SPECC1L: variants seen among roughly 807,000 people sequenced by gnomAD.
The protein encoded by SPECC1L is sperm antigen with calponin homology and coiled-coil domains 1 like.
A neutral mutation model predicts 116.8 loss-of-function variants in SPECC1L; 40 were observed. The ratio of observed to expected loss-of-function variants is 0.34; its 90% confidence interval spans 0.27 to 0.45. The LOEUF (loss-of-function observed/expected upper bound fraction) is 0.45, where lower values mean the gene tolerates loss of function less well. Ranked by LOEUF, SPECC1L falls within the 20% of genes least tolerant of loss-of-function variation. The probability of loss-of-function intolerance (pLI) is 1.00; values close to 1 mark genes in which losing one functional copy is unlikely to be tolerated. For missense variants in SPECC1L, 1,110 were observed against 1,373.6 expected (o/e 0.81, Z 3.03); for synonymous variants, 504 against 500.6 (o/e 1.01, Z -0.09).
intron 13 of SPECC1L, 48 bp downstream of exon 13, chr22:24,365,680 C>T (rs763043824): frequency 6.3e-7 from 1 of 1,597,080 alleles, no homozygotes; most frequent in Non-Finnish European, 8.6e-7. Context: ...CTTTCCTGGC[C>T]TTTTGACAGT....
chr22:24,318,843 C>T (rs1005802677), intron 4 of SPECC1L, among the ~76,000 whole-genome samples: 2 of 151,514 alleles, frequency 1.3e-5, no homozygotes, highest in Admixed American at 1.3e-4. Context: ...GTGGGAGGAT[C>T]ACCTGAGCCT....
At chr22:24,336,836 G>A (rs1337951588) in intron 9 of SPECC1L, among the ~76,000 whole-genome samples, 1 of 152,062 alleles carries the variant, frequency 6.6e-6, no homozygotes, top group East Asian at 1.9e-4. Context: ...CTGACTTAAC[G>A]ATGCTTTAAC....
chr22:24,363,339 T>C lies in SPECC1L; in HGVS notation c.2822T>C (p.Leu941Pro). The C allele has an allele frequency of 6.2e-7, 1 of 1,613,628 alleles. No homozygotes were observed. The highest frequency in any genetic ancestry group is 2.2e-5 in the East Asian group (1 of 44,894). The change falls in exon 12 of 17, where the codon CTC becomes CCC. Residue 941 changes from leucine to proline, a missense_variant. Around this residue, in one of 4 missense-constraint regions of SPECC1L, gnomAD observed 575 missense variants for 682.4 expected, o/e 0.84. Transcript: ENST00000314328. ...CCTGCGATGGAAAGTGCCAAGACCC[T>C]CTCAGGTGATGACTTTCATCTGAAT... Reference protein sequence around the residue: ...RVPAMESAKTLSVSRRSSEEV... With the variant: ...RVPAMESAKTPSVSRRSSEEV...
intron 10 of SPECC1L, chr22:24,343,450 GTTTT>G (rs754785113): frequency 2.8e-6 from 1 of 361,528 alleles, no homozygotes; most frequent in Non-Finnish European, 5.7e-6. Context: ...AAATGGTTGT[GTTTT>G]TTTTTTGTTT....
intron 11 of SPECC1L, among the ~76,000 whole-genome samples, chr22:24,350,672 T>C (rs1216693537): frequency 2.0e-5 from 3 of 152,146 alleles, no homozygotes; most frequent in Admixed American, 2.0e-4. Flanking sequence ...AAAAGCTCTA[T>C]GTGTTGAAGG....
At chr22:24,316,833 C>T (rs573979206) in intron 4 of SPECC1L, among the ~76,000 whole-genome samples, 2,226 of 137,942 alleles carry the variant, frequency 0.016, 29 homozygotes, top group African/African-American at 0.042. Flanking sequence ...CAGAGGGGCT[C>T]CTCACTTCCC....
Position 24,414,929 on chromosome 22 carries a change from G to T in SPECC1L, c.*306G>T. The stretch of plus-strand genomic sequence containing the variant: ...TATTGAACTACACTAGTGCTCCAGG[G>T]CACCAAACAAAAAGGGCTCATGCAC... On this transcript the variant is annotated 3_prime_UTR_variant, in exon 17 of 17. Coordinates refer to ENST00000314328, the MANE Select transcript of SPECC1L (RefSeq NM_015330.6). 2.5e-6 allele frequency: 1 copy of T among 408,086 alleles called. No homozygotes were observed. Among genetic ancestry groups the T allele is most frequent in the Middle Eastern group, 7.3e-4 (1 of 1,362 alleles). The allele number at this position is 408,086 out of a possible 1,614,324, so 25.3% of individuals were successfully genotyped here.
At chr22:24,375,402 T>G (rs2041952462) in intron 14 of SPECC1L, among the ~76,000 whole-genome samples, 1 of 152,014 alleles carries the variant, frequency 6.6e-6, no homozygotes, top group African/African-American at 2.4e-5. Flanking sequence ...CTTGACAAAA[T>G]AATGACAATA....
intron 13 of SPECC1L, among the ~76,000 whole-genome samples, chr22:24,367,148 G>A (rs1469993684): frequency 1.3e-5 from 2 of 152,180 alleles, no homozygotes; most frequent in Non-Finnish European, 2.9e-5. Flanking sequence ...GAGCGAGATC[G>A]TGCGACTGCA....
chr22:24,375,950 AAAAC>A (rs748877884), intron 14 of SPECC1L, among the ~76,000 whole-genome samples: 49 of 147,782 alleles, frequency 3.3e-4, no homozygotes, highest in East Asian at 2.2e-3. Flanking sequence ...ACTCTGTCTC[AAAAC>A]AAACAAACAA....
chr22:24,292,577 G>A (rs1047176974), intron 2 of SPECC1L, among the ~76,000 whole-genome samples: 1 of 152,158 alleles, frequency 6.6e-6, no homozygotes, highest in Admixed American at 6.5e-5. Flanking sequence ...TTGGATGGCA[G>A]AACTGGAGCT....
rs192174816 is a variant in SPECC1L, at chr22:24,326,829, A to G, written c.2147-2017A>G. On this transcript the variant is annotated intron_variant, in intron 6 of 16. Transcript: ENST00000314328. ...GAGCAAGTTAACTACTGCCTACCAG[A>G]ATTGCCCCTGCCGCCAACGTTTTAT... is the stretch of plus-strand genomic sequence containing the variant. Among the ~76,000 whole-genome samples the G allele has an allele frequency of 1.8e-3, 273 of 152,278 alleles. 3 individuals are homozygous for G. The highest frequency in any genetic ancestry group is 3.3e-3 in the Non-Finnish European group (227 of 68,016).
At chr22:24,320,373 G>GT (rs1299160575) in intron 4 of SPECC1L, among the ~76,000 whole-genome samples, 1 of 152,148 alleles carries the variant, frequency 6.6e-6, no homozygotes, top group Non-Finnish European at 1.5e-5. Flanking sequence ...AATTTTAGTA[G>GT]TTAAGTAATC....
intron 1 of SPECC1L, among the ~76,000 whole-genome samples, chr22:24,276,295 G>T (rs546162830): frequency 2.8e-4 from 43 of 152,308 alleles, no homozygotes; most frequent in Non-Finnish European, 5.9e-4. Context: ...CGCCAGGTGT[G>T]GTGGTGCGCA....
At chr22:24,345,103 A>G (rs1276121922) in intron 10 of SPECC1L, among the ~76,000 whole-genome samples, 1 of 152,184 alleles carries the variant, frequency 6.6e-6, no homozygotes, top group East Asian at 1.9e-4. Flanking sequence ...GTGGAGGACA[A>G]ATTTGGAGGA....
At chr22:24,401,287 CA>C (rs773041248) in intron 14 of SPECC1L, among the ~76,000 whole-genome samples, 40 of 152,212 alleles carry the variant, frequency 2.6e-4, no homozygotes, top group Non-Finnish European at 4.4e-4. Context: ...GAGTGACCCA[CA>C]GTTCAGATTC....
intron 3 of SPECC1L, 127 bp downstream of exon 3, chr22:24,302,511 G>A: frequency 8.0e-7 from 1 of 1,250,446 alleles, no homozygotes; most frequent in Non-Finnish European, 1.2e-6. Flanking sequence ...CTTGGCCTTT[G>A]AAGAGAGCTT....
rs2042806831 is a variant in SPECC1L, at chr22:24,416,707, C to G, written c.*2084C>G. 6.6e-6 allele frequency: 1 copy of G among 152,352 alleles called. No individual in the cohort carries two copies. Among genetic ancestry groups the G allele is most frequent in the Non-Finnish European group, 1.5e-5 (1 of 68,120 alleles). The allele number at this position is 152,352 out of a possible 1,614,324, so 9.4% of individuals were successfully genotyped here. On this transcript the variant is annotated 3_prime_UTR_variant, in exon 17 of 17. Coordinates refer to ENST00000314328, the MANE Select transcript of SPECC1L (RefSeq NM_015330.6). ...TTATCCCTTGCTGGCCATGCGAGCC[C>G]AGCCCTGGTGCCTCATGGGATGGGG...
At chr22:24,346,513 G>T (rs1307894396) in intron 10 of SPECC1L, among the ~76,000 whole-genome samples, 1 of 152,144 alleles carries the variant, frequency 6.6e-6, no homozygotes, top group Non-Finnish European at 1.5e-5. Context: ...TTTTATTTTG[G>T]AACATGTTTT....
Sources: allele counts gnomAD v4.1 joint callset (sites outside exome capture counted in the v4.1 genomes callset), GRCh38; gene constraint gnomAD v4.1.1; regional missense constraint gnomAD v4.1.1; transcripts MANE v1.5; gene names NCBI Gene and HGNC (gene_info 2026-07-23, HGNC 2026-07-21).